Variants in LRRC37B observed in about 807,000 individuals in gnomAD.
LRRC37B encodes leucine-rich repeat-containing protein 37B.
LRRC37B carries 28 observed loss-of-function variants against 98.3 expected under a neutral mutation model. The observed-to-expected ratio is 0.28, with a 90% confidence interval of 0.21 to 0.39. The LOEUF (loss-of-function observed/expected upper bound fraction) is 0.39. Among genes scored for constraint, LRRC37B ranks in the 10% least tolerant of loss-of-function variants. LRRC37B has a pLI of 1.00. For synonymous variants in LRRC37B, 364 were observed against 442.7 expected, an observed-to-expected ratio of 0.82 and a Z score of 2.23; for missense variants, 938 against 1,182.7, an observed-to-expected ratio of 0.79 and a Z score of 3.03.
chr17:32,049,190 G>A lies in LRRC37B; in HGVS notation c.2553G>A (p.Arg851=), dbSNP rs755959440. ...GAAAGTTCATGTCTCATGTTATCCG[G>A]ACCTTGAAAATGGAATGTTCAGAAA... The change falls in exon 10 of 12, where the codon CGG becomes CGA. Residue 851 remains arginine (R), a synonymous_variant. Coordinates refer to ENST00000327564, the Ensembl canonical transcript of LRRC37B. 10 of 1,614,048 alleles carry A rather than the reference G, an allele frequency of 6.2e-6. No individual in the cohort carries two copies. In the East Asian group the frequency reaches 1.8e-4, roughly 29 times the overall value.
At chr17:32,014,631 G>A (rs551150272) in intron 1 of LRRC37B, among the ~76,000 whole-genome samples, 50 of 152,182 alleles carry the variant, frequency 3.3e-4, no homozygotes, top group African/African-American at 1.1e-3. Flanking sequence ...CTCCTCTTAC[G>A]CTCTTTAAAA....
upstream of LRRC37B, among the ~76,000 whole-genome samples, chr17:32,019,147 G>A (rs1910709305): frequency 2.0e-5 from 3 of 152,116 alleles, no homozygotes; most frequent in South Asian, 4.1e-4. Flanking sequence ...GACTGGTCTC[G>A]AACTCCTGAC....
At chr17:32,020,924 A>AGG (rs1910752235), upstream of LRRC37B, 2 of 1,254,264 alleles carry the variant, frequency 1.6e-6, no homozygotes, top group Admixed American at 6.7e-5. Context: ...CACTAAGGGG[A>AGG]GGGGAGGGGT....
At chr17:32,041,623 C>A (rs1300669663) in intron 7 of LRRC37B, 4 of 465,866 alleles carry the variant, frequency 8.6e-6, no homozygotes, top group Non-Finnish European at 1.7e-5. Context: ...AAGGCGGTGT[C>A]CAAGCCTGCC....
In LRRC37B at chr17:32,027,753, C is replaced by G. The variant is rs778805942; in HGVS notation, c.1833-16C>G. On this transcript the variant is annotated splice_polypyrimidine_tract_variant and intron_variant, in intron 2 of 11. Coordinates refer to ENST00000327564, the Ensembl canonical transcript of LRRC37B. ...AGTTTGCATTTTAACCTAGAAATAA[C>G]TTTTTCATTTTCCAGAATTCTCAGT... 6 of 1,589,682 alleles carry G rather than the reference C, an allele frequency of 3.8e-6. No homozygotes were observed. In the East Asian group the frequency reaches 1.4e-4, roughly 36 times the overall value.
intron 7 of LRRC37B, chr17:32,041,252 CA>C (rs1156861071): frequency 1.3e-6 from 1 of 767,564 alleles, no homozygotes; most frequent in Non-Finnish European, 2.4e-6. Flanking sequence ...GCTTCCCCTG[CA>C]CCACAGTCCC....
chr17:32,052,484 A>G (rs1911786557), intron 11 of LRRC37B: 1 of 152,218 alleles, frequency 6.6e-6, no homozygotes, highest in African/African-American at 2.4e-5. Context: ...AAAACAGTCA[A>G]TAAAATGCGT....
In LRRC37B at chr17:32,021,742, G is replaced by A. The variant is rs747787859; in HGVS notation, c.677G>A (p.Arg226His). The A allele has an allele frequency of 3.0e-5, 48 of 1,614,114 alleles. No homozygotes were observed. The highest frequency in any genetic ancestry group is 2.5e-4 in the Admixed American group (15 of 60,008). ...AACCTGAAGAAAGATCTAGCTGAACGTTGGAGCCTTCCTGAGATTGTTGGG... is the reference window on the plus strand; with the variant it reads ...AACCTGAAGAAAGATCTAGCTGAACATTGGAGCCTTCCTGAGATTGTTGGG... Residue 226 changes from arginine to histidine, a missense_variant, in exon 1 of 12, where the codon CGT (arginine) becomes CAT (histidine). Arg to His is a conservative substitution (Grantham distance 29). Coordinates refer to ENST00000327564, the Ensembl canonical transcript of LRRC37B.
chr17:32,047,243 G>A (rs895750977), intron 8 of LRRC37B: 1 of 173,644 alleles, frequency 5.8e-6, no homozygotes, highest in African/African-American at 2.4e-5. Flanking sequence ...AGCAATGGGA[G>A]GGGGCATCCC....
At position 32,048,808 on chromosome 17, in the gene LRRC37B, C is replaced by T. The variant is rs1372559197; in HGVS notation, c.2465-294C>T. Among the ~76,000 whole-genome samples, 5 of 152,292 alleles carry T rather than the reference C, an allele frequency of 3.3e-5. No homozygotes were observed. In the South Asian group the frequency reaches 6.2e-4, roughly 19 times the overall value. On this transcript the variant is annotated intron_variant, in intron 9 of 11. Coordinates refer to ENST00000327564, the Ensembl canonical transcript of LRRC37B. ...AAGGGGTTTTTTCATCCTTAGGAGACCTGAGTCCTCAAGAAAACCCTCTTC... is the reference window on the plus strand; with the variant it reads ...AAGGGGTTTTTTCATCCTTAGGAGATCTGAGTCCTCAAGAAAACCCTCTTC...
intron 1 of LRRC37B, among the ~76,000 whole-genome samples, chr17:32,010,514 C>G (rs1356041070): frequency 6.6e-6 from 1 of 152,076 alleles, no homozygotes; most frequent in Admixed American, 6.6e-5. Context: ...TTCACTGTTT[C>G]CTTAAGGTAG....
Position 32,022,675 on chromosome 17 carries a change from A to G in LRRC37B, c.1610A>G (p.Glu537Gly). The G allele has an allele frequency of 2.0e-5, 33 of 1,614,014 alleles. No individual in the cohort carries two copies. Among genetic ancestry groups the G allele is most frequent in the Non-Finnish European group, 2.8e-5 (33 of 1,179,860 alleles). The stretch of plus-strand genomic sequence containing the variant: ...TTGGTGCAGTCTGAAACTGCACCAG[A>G]GGAACAGAAGGCCTCCACAAGCACC... Residue 537 changes from glutamate (E) to glycine (G), a missense_variant, in exon 1 of 12, where the codon GAG becomes GGG. Physicochemically the swap from Glu to Gly is moderately conservative, Grantham distance 98. Transcript: ENST00000327564.
chr17:32,029,290 G>A (rs11654592), intron 3 of LRRC37B, among the ~76,000 whole-genome samples: 71 of 152,084 alleles, frequency 4.7e-4, no homozygotes, highest in Non-Finnish European at 7.8e-4. Context: ...GAGCCACTGC[G>A]CCCGGCCAGC....
intron 1 of LRRC37B, among the ~76,000 whole-genome samples, chr17:32,010,894 T>A (rs887491366): frequency 1.3e-5 from 2 of 152,238 alleles, no homozygotes; most frequent in African/African-American, 4.8e-5. Flanking sequence ...CTTGTCTTTC[T>A]GTCCTTGGCC....
intron 2 of LRRC37B, among the ~76,000 whole-genome samples, chr17:32,025,826 G>A (rs1220655710): frequency 2.0e-5 from 3 of 152,226 alleles, no homozygotes; most frequent in Non-Finnish European, 4.4e-5. Context: ...CCTCAAAAAT[G>A]TTGTGCCAAC....
At chr17:32,045,818 C>G (rs752408763) in exon 8 of LRRC37B, 3 of 1,598,766 alleles carry the variant, frequency 1.9e-6, no homozygotes, top group Non-Finnish European at 2.5e-6. Flanking sequence ...CATACATTGT[C>G]GTGAGTCCAA....
chr17:32,034,823 G>A (rs779585580), intron 5 of LRRC37B, 87 bp from the exon 9 acceptor site: 3 of 1,002,658 alleles, frequency 3.0e-6, no homozygotes, highest in East Asian at 2.6e-5. Flanking sequence ...TTACCTAAAA[G>A]TTCCATACCA....
At chr17:32,025,862 C>T (rs1212606239) in intron 2 of LRRC37B, among the ~76,000 whole-genome samples, 1 of 152,084 alleles carries the variant, frequency 6.6e-6, no homozygotes, top group African/African-American at 2.4e-5. Context: ...CAGAATATGA[C>T]AGCATTCATT....
intron 8 of LRRC37B, chr17:32,047,539 A>G (rs1036723968): frequency 4.5e-5 from 27 of 604,556 alleles, no homozygotes; most frequent in African/African-American, 5.6e-5. Flanking sequence ...GAGTTACTCT[A>G]TGTCACACTA....
Sources: allele counts gnomAD v4.1 joint callset (sites outside exome capture counted in the v4.1 genomes callset), GRCh38; gene constraint gnomAD v4.1.1; transcripts MANE v1.5; gene names NCBI Gene and HGNC (gene_info 2026-07-23, HGNC 2026-07-21).